Variants in TNXB observed in about 807,000 individuals in gnomAD.
TNXB encodes tenascin-X.
Under a neutral mutation model 340.5 loss-of-function variants are expected in TNXB, and 183 were observed. The ratio of observed to expected loss-of-function variants is 0.54; its 90% CI spans 0.48 to 0.61. TNXB has a LOEUF of 0.61. TNXB is among the 20% of genes least tolerant of loss of function. TNXB has a pLI of 0.00. For missense variants in TNXB, 4,613 were observed against 5,446.4 expected (o/e 0.85, Z 4.82); for synonymous variants, 2,121 against 2,314.5 (o/e 0.92, Z 2.40).
rs745378720 is a variant in TNXB, at chr6:32,061,629, T to C, written c.7260A>G (p.Thr2420=). The C allele has an allele frequency of 7.4e-6, 12 of 1,612,652 alleles. 1 individual carries two copies. In the Admixed American group the frequency reaches 2.0e-4, roughly 27 times the overall value. Residue 2420 remains threonine (T), a synonymous_variant, in exon 21 of 44, where the codon ACA becomes ACG. Transcript: ENST00000644971. The surrounding 1 kb of genome is among the most constrained non-coding windows in gnomAD (Gnocchi z 4.4). ...GGCTCAGCGAGTCAGGGGAGGATCCTGTCACTGTTAGCTCCCCCAGGAGCG... is the reference window on the plus strand; with the variant it reads ...GGCTCAGCGAGTCAGGGGAGGATCCCGTCACTGTTAGCTCCCCCAGGAGCG... The part of the protein sequence containing the change: ...EEPLLGELTV[T]GSSPDSLSLS...
chr6:32,053,857 C>G, intron 24 of TNXB, 146 bp from the exon 25 acceptor site: 1 of 995,358 alleles, frequency 1.0e-6, no homozygotes, highest in Non-Finnish European at 1.5e-6. Flanking sequence ...TCCTCTCCTG[C>G]GGCCTTTCCT....
intron 18 of TNXB, 29 bp from the exon 19 acceptor site, chr6:32,065,146 C>A: frequency 1.3e-6 from 2 of 1,510,540 alleles, no homozygotes; most frequent in Non-Finnish European, 1.8e-6. Context: ...AGAATCTTTT[C>A]TCTTGCTGCA....
rs78493656 is a variant in TNXB, at chr6:32,072,095, C to T, written c.4885G>A (p.Glu1629Lys). ...QVVPVAADQR[E>K]VTIPDLEPSR... The stretch of plus-strand genomic sequence containing the variant: ...GGTTCCAGGTCAGGGATAGTGACCT[C>T]CCGCTGATCTGCAGCCACGGGCACC... The change falls in exon 13 of 44, where the codon GAG becomes AAG. Residue 1629 changes from glutamate (E) to lysine (K), a missense_variant. This residue lies in a region of TNXB where 4,327 missense variants were observed against 4,859.4 expected (regional missense o/e 0.89). Coordinates refer to ENST00000644971, the MANE Select transcript of TNXB (RefSeq NM_001365276.2). The surrounding 1 kb of genome is among the most constrained non-coding windows in gnomAD (Gnocchi z 4.4). 4,648 of 1,613,088 alleles carry T rather than the reference C, an allele frequency of 2.9e-3. 149 individuals are homozygous for T. In the East Asian group the frequency reaches 0.073, roughly 25 times the overall value.
Position 32,101,072 on chromosome 6 carries a change from C to T in TNXB, c.-8-2866G>A, listed in dbSNP as rs1246270382. ...CAGCCTGAGAGGAAGAGTGAAACTC[C>T]ATCTCAAAAAAAAAAAAAAAAAAAA... On this transcript the variant is annotated intron_variant, in intron 1 of 43. Transcript: ENST00000644971. Among the ~76,000 whole-genome samples, 3 of 81,242 alleles carry T rather than the reference C, an allele frequency of 3.7e-5. No individual in the cohort carries two copies. The East Asian group carries it at 1.2e-3, about 33-fold the overall frequency. 53.3% of individuals were successfully genotyped at this position (81,242 alleles called of 152,430 possible).
Position 32,046,710 on chromosome 6 carries a change from C to A in TNXB, c.10325-254G>T. ...TTCCCTGCTGTGATCGAGGATGCGC[C>A]AAATTCATTACAGATCATCTCCCGA... On this transcript the variant is annotated intron_variant, in intron 30 of 43. Coordinates refer to ENST00000644971, the MANE Select transcript of TNXB (RefSeq NM_001365276.2). This position sits in a 1 kb window ranked among gnomAD's most constrained non-coding sequence, Gnocchi z 6.9. 2.4e-6 allele frequency: 1 copy of A among 419,792 alleles called. No homozygotes were observed. The highest frequency in any genetic ancestry group is 7.9e-5 in the South Asian group (1 of 12,588). The allele number at this position is 419,792 out of a possible 1,614,324, so 26.0% of individuals were successfully genotyped here. A position where few individuals can be genotyped will look rare whatever the true frequency, so the allele number is the denominator to read the frequency against.
intron 4 of TNXB, among the ~76,000 whole-genome samples, chr6:32,094,833 C>T (rs2127284293): frequency 6.6e-6 from 1 of 152,300 alleles, no homozygotes; most frequent in Middle Eastern, 3.4e-3. Flanking sequence ...GACTGGACAG[C>T]CTCAGGAAGT....
chr6:32,095,602 C>T lies in TNXB; in HGVS notation c.2242+9G>A. The T allele has an allele frequency of 1.2e-6, 2 of 1,605,014 alleles. No homozygotes were observed. The highest frequency in any genetic ancestry group is 8.5e-7 in the Non-Finnish European group (1 of 1,173,686). ...TCCCAGAGTACACTGGGGAAGGCTG[C>T]CTGCTCACCTTCTCCGCAGTCTTCG... is the stretch of plus-strand genomic sequence containing the variant. On this transcript the variant is annotated intron_variant, in intron 3 of 43. Transcript: ENST00000644971.
In TNXB at chr6:32,097,305, G is replaced by A; in HGVS notation, c.548C>T (p.Ala183Val). ...GCAGTCATCTGGGCAGGACCCCGAG[G>A]CTGAGGGTGGGGAAGAGGGAGGGAT... Reference protein sequence around the residue: ...AEIPPSSPPSASGSCPDDCND... With the variant: ...AEIPPSSPPSVSGSCPDDCND... Residue 183 changes from alanine to valine, a missense_variant, in exon 3 of 44, where the codon GCC becomes GTC. By Grantham distance (64) the Ala-to-Val change is moderately conservative. Coordinates refer to ENST00000644971, the MANE Select transcript of TNXB (RefSeq NM_001365276.2). This position sits in a 1 kb window ranked among gnomAD's most constrained non-coding sequence, Gnocchi z 5.9. 6.2e-7 allele frequency: 1 copy of A among 1,613,686 alleles called. No individual in the cohort carries two copies. The highest frequency in any genetic ancestry group is 8.5e-7 in the Non-Finnish European group (1 of 1,179,824).
At chr6:32,104,237 T>C (rs866181581) in intron 1 of TNXB, among the ~76,000 whole-genome samples, 2 of 152,198 alleles carry the variant, frequency 1.3e-5, no homozygotes, top group Non-Finnish European at 2.9e-5. Context: ...CCTGGTACCT[T>C]CATCCAGACT....
rs535019089 is a variant in TNXB, at chr6:32,072,974, G to T, written c.4681+673C>A. ...CTCAAAAATAAAAAAGAAATATTTT[G>T]ATAACTGTCTATAAATATAATGTTT... On this transcript the variant is annotated intron_variant, in intron 12 of 43. Coordinates refer to ENST00000644971, the MANE Select transcript of TNXB (RefSeq NM_001365276.2). This position sits in a 1 kb window ranked among gnomAD's most constrained non-coding sequence, Gnocchi z 4.4. Among the ~76,000 whole-genome samples the T allele has an allele frequency of 3.3e-4, 51 of 152,254 alleles. No homozygotes were observed. Among genetic ancestry groups the T allele is most frequent in the African/African-American group, 1.1e-3 (45 of 41,562 alleles).
intron 1 of TNXB, among the ~76,000 whole-genome samples, chr6:32,099,961 A>C (rs889882495): frequency 1.5e-4 from 22 of 151,420 alleles, no homozygotes; most frequent in Admixed American, 4.6e-4. Context: ...AAAAAAAAAA[A>C]AAAAAAAAAC....
At position 32,087,362 on chromosome 6, in the gene TNXB, T is replaced by C. The variant is rs752365882; in HGVS notation, c.2780-1244A>G. The C allele has an allele frequency of 4.2e-6, 2 of 477,808 alleles. No individual in the cohort carries two copies. Among genetic ancestry groups the C allele is most frequent in the African/African-American group, 2.0e-5 (1 of 51,054 alleles). The allele number at this position is 477,808 out of a possible 1,614,324, so 29.6% of individuals were successfully genotyped here. On this transcript the variant is annotated intron_variant, in intron 6 of 43. Transcript: ENST00000644971. This position sits in a 1 kb window ranked among gnomAD's most constrained non-coding sequence, Gnocchi z 9.0. The stretch of plus-strand genomic sequence containing the variant: ...AGGTCGGGCAGGCTGACGGTGCGCG[T>C]GGTGCCCGGCACAGTCAGCTCACCG...
Position 32,082,124 on chromosome 6 carries a change from T to A in TNXB, c.3648A>T (p.Ser1216=). 6.2e-7 allele frequency: 1 copy of A among 1,611,592 alleles called. No individual in the cohort carries two copies. The highest frequency in any genetic ancestry group is 8.5e-7 in the Non-Finnish European group (1 of 1,179,182). ...EGPERSFVVS[S]LDPDHKYRFT... ...ATCTGTACTTGTGGTCAGGGTCCAG[T>A]GAGGAGACAACAAATGAACGCTCGG... The change falls in exon 9 of 44, where the codon TCA becomes TCT. Residue 1216 remains serine, a synonymous_variant. Transcript: ENST00000644971. This position sits in a 1 kb window ranked among gnomAD's most constrained non-coding sequence, Gnocchi z 5.0.
rs1562824396 is a variant in TNXB, at chr6:32,067,677, A to G, written c.6528T>C (p.Ser2176=). Residue 2176 remains serine (S), a synonymous_variant, in exon 18 of 44, where the codon TCT becomes TCC. Coordinates refer to ENST00000644971, the MANE Select transcript of TNXB (RefSeq NM_001365276.2). The surrounding 1 kb of genome is among the most constrained non-coding windows in gnomAD (Gnocchi z 4.2). ...CACACTCACCCGTGACGCCCACAGC[A>G]GACACTGGGCCCACGCGCCGCCCCT... ...LHEGRRVGPV[S]AVGVTAPEEE... is the part of the protein sequence containing the mutation. 6.2e-7 allele frequency: 1 copy of G among 1,613,502 alleles called. No homozygotes were observed. The highest frequency in any genetic ancestry group is 1.7e-4 in the Middle Eastern group (1 of 6,040).
At position 32,042,334 on chromosome 6, in the gene TNXB, G is replaced by C; in HGVS notation, c.12239C>G (p.Thr4080Arg). ...LVFQRRMDGQ[T>R]DFWRDWEDYA... Reference sequence around the variant, plus strand: ...GTCCTCCCAGTCCCTCCAGAAGTCTGTCTGTCCATCCATGCGGCGCTGGAA... The same window carrying C: ...GTCCTCCCAGTCCCTCCAGAAGTCTCTCTGTCCATCCATGCGGCGCTGGAA... Residue 4080 changes from threonine (T) to arginine (R), a missense_variant, in exon 41 of 44, where the codon ACA becomes AGA. Coordinates refer to ENST00000644971, the MANE Select transcript of TNXB (RefSeq NM_001365276.2). The C allele has an allele frequency of 6.6e-7, 1 of 1,523,244 alleles. No individual in the cohort carries two copies. Among genetic ancestry groups the C allele is most frequent in the Non-Finnish European group, 9.0e-7 (1 of 1,105,684 alleles). 94.4% of individuals were successfully genotyped at this position (1,523,244 alleles called of 1,614,324 possible).
rs746178595 is a variant in TNXB at position 32,096,492 on chromosome 6, G to A, written c.1361C>T (p.Ala454Val). 6.9e-6 allele frequency: 11 copies of A among 1,600,800 alleles called. No homozygotes were observed. The highest frequency in any genetic ancestry group is 9.3e-6 in the Non-Finnish European group (11 of 1,179,256). Residue 454 changes from alanine to valine, a missense_variant, in exon 3 of 44, where the codon GCG becomes GTG. Ala to Val is a moderately conservative substitution (Grantham distance 64, BLOSUM62 0). This residue lies in a region of TNXB where 4,327 missense variants were observed against 4,859.4 expected (regional missense o/e 0.89). Coordinates refer to ENST00000644971, the MANE Select transcript of TNXB (RefSeq NM_001365276.2). ...ACCGCAGTCCTCGCCGCTGTAGCCCGCATTGCAAACACACACGCCGTTCTC... is the reference window on the plus strand; with the variant it reads ...ACCGCAGTCCTCGCCGCTGTAGCCCACATTGCAAACACACACGCCGTTCTC... ...RCENGVCVCN[A>V]GYSGEDCGVR...
Position 32,096,897 on chromosome 6 carries a change from C to T in TNXB, c.956G>A (p.Gly319Glu), listed in dbSNP as rs746485634. The T allele has an allele frequency of 1.2e-6, 2 of 1,609,714 alleles. No homozygotes were observed. The highest frequency in any genetic ancestry group is 1.7e-6 in the Non-Finnish European group (2 of 1,178,256). ...CACGCAGCGCCCGTCCTTGCAGCGT[C>T]CCCGCTGGCTGCAGCCCCGAGGGCA... ...RSCPRGCSQR[G>E]RCKDGRCVCD... is the part of the protein sequence containing the mutation. Residue 319 changes from glycine to glutamate, a missense_variant, in exon 3 of 44, where the codon GGA becomes GAA. By Grantham distance (98) the Gly-to-Glu change is moderately conservative (BLOSUM62 -2). Transcript: ENST00000644971.
intron 1 of TNXB, among the ~76,000 whole-genome samples, chr6:32,103,429 C>A (rs866225670): frequency 6.0e-4 from 78 of 129,746 alleles, no homozygotes; most frequent in South Asian, 7.6e-4. Context: ...GACTCCATCT[C>A]AAAAAAAAAA....
At chr6:32,066,089 T>C (rs1172497034) in intron 18 of TNXB, among the ~76,000 whole-genome samples, 1 of 152,134 alleles carries the variant, frequency 6.6e-6, no homozygotes, top group Non-Finnish European at 1.5e-5. Flanking sequence ...TGTTTGGCAA[T>C]AAAAAGCAGT....
Sources: gnomAD v4.1 joint callset for allele counts (sites outside exome capture counted in the v4.1 genomes callset) on GRCh38, gnomAD v4.1.1 for gene constraint, gnomAD v4.1.1 regional missense constraint, Gnocchi (gnomAD v3.1) non-coding constraint, MANE v1.5 for transcripts, NCBI Gene and HGNC (gene_info 2026-07-23, HGNC 2026-07-21) for gene names.